NAA16: variants seen among roughly 807,000 people sequenced by gnomAD.
NAA16 encodes the protein N-alpha-acetyltransferase 16, NatA auxiliary subunit, also known as NARG1-like protein.
Under a neutral mutation model 110.3 loss-of-function variants are expected in NAA16, and 97 were observed. That is an observed-to-expected ratio of 0.88 (90% CI 0.75 to 1.04). The LOEUF (loss-of-function observed/expected upper bound fraction) is 1.04. Ranked by LOEUF, NAA16 falls within the 50% of genes least tolerant of loss-of-function variation. The probability of loss-of-function intolerance (pLI) is 0.00; values close to 1 mark genes in which losing one functional copy is unlikely to be tolerated. For missense variants in NAA16, 1,017 were observed against 1,005.1 expected (o/e 1.01, Z -0.16); for synonymous variants, 372 against 330.6 (o/e 1.13, Z -1.36).
intron 9 of NAA16, among the ~76,000 whole-genome samples, chr13:41,353,413 T>TA (rs1308087919): frequency 6.6e-6 from 1 of 152,096 alleles, no homozygotes; most frequent in African/African-American, 2.4e-5. Context: ...TTTTTTTTTT[T>TA]ATCAGTGGTT....
chr13:41,358,018 T>A (rs1489431171), intron 10 of NAA16, among the ~76,000 whole-genome samples: 1 of 152,194 alleles, frequency 6.6e-6, no homozygotes, highest in East Asian at 1.9e-4. Flanking sequence ...GCTTTCAGGC[T>A]GAGAGTTCAC....
intron 1 of NAA16, among the ~76,000 whole-genome samples, chr13:41,312,370 C>T (rs921393377): frequency 2.0e-5 from 3 of 152,100 alleles, no homozygotes; most frequent in Admixed American, 1.3e-4. Context: ...TAGTGATGAC[C>T]GCTGCGGAGC....
intron 4 of NAA16, 111 bp from the exon 5 acceptor site, chr13:41,322,945 G>C: frequency 1.0e-6 from 1 of 992,436 alleles, no homozygotes; most frequent in Admixed American, 2.2e-5. Flanking sequence ...TTCTGAAACT[G>C]ATCTTTGTTG....
chr13:41,372,159 G>T (rs531712845), intron 15 of NAA16, 44 bp from the exon 16 acceptor site: 2 of 1,427,792 alleles, frequency 1.4e-6, no homozygotes, highest in Admixed American at 2.3e-5. Flanking sequence ...AATTTGACTT[G>T]TTCTGATGTT....
At chr13:41,345,118 TTTTGGTTATTTTGAA>T (rs1327699966) in intron 9 of NAA16, among the ~76,000 whole-genome samples, 1 of 152,248 alleles carries the variant, frequency 6.6e-6, no homozygotes, top group Admixed American at 6.5e-5. Context: ...TGTTTCTACC[TTTTGGTTATTTTGAA>T]TAATGCTGCT....
chr13:41,348,872 G>C (rs1420279922), intron 9 of NAA16, among the ~76,000 whole-genome samples: 1 of 152,026 alleles, frequency 6.6e-6, no homozygotes, highest in Non-Finnish European at 1.5e-5. Context: ...ACTGGCTTTT[G>C]GAAATTCATG....
chr13:41,351,249 G>A (rs1045091929), intron 9 of NAA16, among the ~76,000 whole-genome samples: 7 of 152,134 alleles, frequency 4.6e-5, no homozygotes, highest in Admixed American at 3.3e-4. Context: ...TTCAAGAAAT[G>A]GTAATTTTCC....
rs1401162861 is a variant in NAA16 at position 41,358,455 on chromosome 13, G to A, written c.1239G>A (p.Met413Ile). The A allele has an allele frequency of 1.9e-6, 3 of 1,613,220 alleles. No homozygotes were observed. The highest frequency in any genetic ancestry group is 2.7e-5 in the African/African-American group (2 of 74,886). ...CAACTCTAATAGAATTATTCTATAT[G>A]AAAGCAAAAATTTACAAGGTAAAAT... Reference protein sequence around the residue: ...STPTLIELFYMKAKIYKHIGN... With the variant: ...STPTLIELFYIKAKIYKHIGN... Residue 413 changes from methionine to isoleucine, a missense_variant, in exon 11 of 20, where the codon ATG (methionine) becomes ATA (isoleucine). Transcript: ENST00000379406.
At chr13:41,345,701 A>T (rs796552878) in intron 9 of NAA16, among the ~76,000 whole-genome samples, 3 of 151,958 alleles carry the variant, frequency 2.0e-5, no homozygotes, top group South Asian at 4.2e-4. Context: ...TCCCACCTCC[A>T]CTTCCTGAGT....
At chr13:41,340,805 C>G (rs1050665117) in intron 9 of NAA16, among the ~76,000 whole-genome samples, 1 of 151,628 alleles carries the variant, frequency 6.6e-6, no homozygotes. Context: ...GTCTCCAGAT[C>G]AGCCGGGACT....
At position 41,372,762 on chromosome 13, in the gene NAA16, A is replaced by T. The variant is rs149998831; in HGVS notation, c.2087A>T (p.Lys696Ile). Residue 696 changes from lysine (K) to isoleucine (I), a missense_variant, in exon 17 of 20, where the codon AAA becomes ATA. Coordinates refer to ENST00000379406, the MANE Select transcript of NAA16 (RefSeq NM_024561.5). Reference sequence around the variant, plus strand: ...TTTCTGTTAATGCTGCAGTCTGTCAAACGAGCTTTTGCCATTAACAGTAAT... The same window carrying T: ...TTTCTGTTAATGCTGCAGTCTGTCATACGAGCTTTTGCCATTAACAGTAAT... ...GKFLLMLQSV[K>I]RAFAINSNNP... 6.2e-7 allele frequency: 1 copy of T among 1,604,068 alleles called. No individual in the cohort carries two copies. Among genetic ancestry groups the T allele is most frequent in the African/African-American group, 1.3e-5 (1 of 74,706 alleles).
At position 41,376,157 on chromosome 13, in the gene NAA16, GCACATACCTGTAA is replaced by G. The variant is rs2139525575; in HGVS notation, c.*556_*568del. ...ATACAAAAATTAGCCAGACGTGATG[GCACATACCTGTAA>G]TCCAAGCTGCCCAGGAGCTGAGGCC... On this transcript the variant is annotated 3_prime_UTR_variant, in exon 20 of 20. Coordinates refer to ENST00000379406, the MANE Select transcript of NAA16 (RefSeq NM_024561.5). The G allele has an allele frequency of 6.6e-6, 1 of 152,480 alleles. No individual in the cohort carries two copies. Among genetic ancestry groups the G allele is most frequent in the African/African-American group, 2.4e-5 (1 of 41,508 alleles). The allele number at this position is 152,480 out of a possible 1,614,324, so 9.4% of individuals were successfully genotyped here.
chr13:41,366,339 A>G (rs1427019725), intron 13 of NAA16, among the ~76,000 whole-genome samples: 3 of 152,190 alleles, frequency 2.0e-5, no homozygotes, highest in Admixed American at 6.6e-5. Context: ...ACAATTACTA[A>G]TATGTCCTCT....
intron 1 of NAA16, among the ~76,000 whole-genome samples, chr13:41,316,564 C>A (rs2041817076): frequency 1.3e-5 from 2 of 152,154 alleles, no homozygotes; most frequent in Non-Finnish European, 2.9e-5. Flanking sequence ...CTTTGCCTCC[C>A]AAAGTGCTGG....
At chr13:41,333,853 T>TA (rs201125146) in intron 8 of NAA16, among the ~76,000 whole-genome samples, 13 of 152,012 alleles carry the variant, frequency 8.6e-5, no homozygotes, top group Middle Eastern at 3.4e-3. Flanking sequence ...TTTTTTTTTT[T>TA]ATTGTAAAGT....
At chr13:41,342,302 T>C (rs2042573396) in intron 9 of NAA16, among the ~76,000 whole-genome samples, 1 of 152,152 alleles carries the variant, frequency 6.6e-6, no homozygotes, top group Non-Finnish European at 1.5e-5. Context: ...CATGCCTGGC[T>C]AATTTTTTGT....
chr13:41,346,943 G>A (rs559349845), intron 9 of NAA16, among the ~76,000 whole-genome samples: 25 of 152,262 alleles, frequency 1.6e-4, no homozygotes, highest in African/African-American at 5.5e-4. Context: ...TGTGAGCCGG[G>A]CGCGGTGGCT....
intron 4 of NAA16, among the ~76,000 whole-genome samples, chr13:41,321,787 A>T (rs2034640735): frequency 6.6e-6 from 1 of 151,978 alleles, no homozygotes. Flanking sequence ...ACTTATGAGA[A>T]GGAGGCCACT....
intron 9 of NAA16, among the ~76,000 whole-genome samples, chr13:41,349,641 A>G (rs1279350131): frequency 6.6e-6 from 1 of 152,140 alleles, no homozygotes; most frequent in African/African-American, 2.4e-5. Flanking sequence ...TTTTTGTTCA[A>G]CTAAAGGTAA....
Sources: allele counts gnomAD v4.1 joint callset (sites outside exome capture counted in the v4.1 genomes callset), GRCh38; gene constraint gnomAD v4.1.1; transcripts MANE v1.5; gene names NCBI Gene and HGNC (gene_info 2026-07-23, HGNC 2026-07-21).